COL22A1: variants seen among roughly 807,000 people sequenced by gnomAD.
The protein encoded by COL22A1 is collagen alpha-1(XXII) chain.
In COL22A1, 221 loss-of-function variants were observed where a neutral mutation model predicts 248.9. The ratio of observed to expected loss-of-function variants is 0.89; its 90% CI spans 0.80 to 0.99. COL22A1 has a LOEUF of 0.99. COL22A1 is among the 50% of genes least tolerant of loss of function. COL22A1 has a pLI of 0.00. For synonymous variants in COL22A1, 891 were observed against 793.4 expected (o/e 1.12, Z -2.07); for missense variants, 2,240 against 2,179.0 (o/e 1.03, Z -0.56).
chr8:138,608,748 A>G (rs955412078), intron 56 of COL22A1, among the ~76,000 whole-genome samples: 30 of 152,214 alleles, frequency 2.0e-4, no homozygotes, highest in African/African-American at 7.2e-4. Flanking sequence ...CACAGCTTCA[A>G]TTCCCCAGGC....
At chr8:138,760,151 GC>G in intron 18 of COL22A1, 91 bp downstream of exon 18, 2 of 1,073,640 alleles carry the variant, frequency 1.9e-6, no homozygotes, top group Non-Finnish European at 1.3e-6. Context: ...TGCCACCCAG[GC>G]CCCTTCCCTG....
At chr8:138,703,253 G>A (rs1029198722) in intron 31 of COL22A1, 53 bp downstream of exon 31, 44 of 1,499,570 alleles carry the variant, frequency 2.9e-5, no homozygotes, top group Middle Eastern at 1.7e-4. Context: ...GGGGGAGTAC[G>A]AATCCCAATA....
intron 63 of COL22A1, among the ~76,000 whole-genome samples, 162 bp from the exon 64 acceptor site, chr8:138,591,663 C>A (rs1817065274): frequency 6.6e-6 from 1 of 152,134 alleles, no homozygotes; most frequent in East Asian, 1.9e-4. Flanking sequence ...GACCCCAATT[C>A]CCACTCACAC....
chr8:138,629,355 T>C (rs1820520326), intron 50 of COL22A1, among the ~76,000 whole-genome samples: 2 of 152,118 alleles, frequency 1.3e-5, no homozygotes, highest in African/African-American at 4.8e-5. Context: ...GGTTTCATCA[T>C]GTTGCCTAGG....
intron 5 of COL22A1, among the ~76,000 whole-genome samples, chr8:138,830,023 T>C (rs1030721439): frequency 6.6e-6 from 1 of 152,220 alleles, no homozygotes; most frequent in Non-Finnish European, 1.5e-5. Context: ...CATATGTGTA[T>C]CAGTCATTTT....
At position 138,877,941 on chromosome 8, in the gene COL22A1, T is replaced by C; in HGVS notation, c.467A>G (p.Asp156Gly). The C allele has an allele frequency of 1.9e-6, 3 of 1,602,596 alleles. No individual in the cohort carries two copies. The highest frequency in any genetic ancestry group is 2.6e-6 in the Non-Finnish European group (3 of 1,174,360). The change falls in exon 3 of 65, where the codon GAC (aspartate) becomes GGC (glycine). Residue 156 changes from aspartate (D) to glycine (G), a missense_variant. By Grantham distance (94) the Asp-to-Gly change is moderately conservative. Coordinates refer to ENST00000303045, the MANE Select transcript of COL22A1 (RefSeq NM_152888.3). Reference sequence around the variant, plus strand: ...TGCCGCCGCGGCGTCCAGCACCAGGTCCTGGCTGCGGCCGTCGGTGAGCAG... The same window carrying C: ...TGCCGCCGCGGCGTCCAGCACCAGGCCCTGGCTGCGGCCGTCGGTGAGCAG... Reference protein sequence around the residue: ...AILLTDGRSQDLVLDAAAAAH... With the variant: ...AILLTDGRSQGLVLDAAAAAH...
At chr8:138,804,826 T>C (rs897368258) in intron 10 of COL22A1, among the ~76,000 whole-genome samples, 1 of 138,316 alleles carries the variant, frequency 7.2e-6, no homozygotes, top group African/African-American at 2.8e-5. Context: ...GTGTGTGATA[T>C]GGGGTGTGTG....
intron 41 of COL22A1, among the ~76,000 whole-genome samples, chr8:138,665,273 C>T (rs1162582879): frequency 1.3e-5 from 2 of 152,156 alleles, no homozygotes; most frequent in Admixed American, 6.5e-5. Flanking sequence ...AGACAGGAAG[C>T]GAGGCTGGAA....
chr8:138,728,096 A>T (rs1216246047), intron 23 of COL22A1, among the ~76,000 whole-genome samples: 2 of 152,076 alleles, frequency 1.3e-5, no homozygotes, highest in Admixed American at 1.3e-4. Flanking sequence ...GCAGGGGTGC[A>T]ATCATAGCTC....
rs755545543 is a variant in COL22A1 at position 138,685,264 on chromosome 8, C to A, written c.2911G>T (p.Asp971Tyr). ...GSPGPVGPRG[D>Y]PGAPGLPGPP... Reference sequence around the variant, plus strand: ...CCAGGGAGCCCAGGAGCACCAGGATCTCCCCTGGGACCAACTGGCCCTGGG... The same window carrying A: ...CCAGGGAGCCCAGGAGCACCAGGATATCCCCTGGGACCAACTGGCCCTGGG... The change falls in exon 38 of 65, where the codon GAT (aspartate) becomes TAT (tyrosine). Residue 971 changes from aspartate to tyrosine, a missense_variant. Physicochemically the swap from Asp to Tyr is radical, Grantham distance 160. Coordinates refer to ENST00000303045, the MANE Select transcript of COL22A1 (RefSeq NM_152888.3). The A allele has an allele frequency of 1.2e-6, 2 of 1,613,992 alleles. No individual in the cohort carries two copies. The highest frequency in any genetic ancestry group is 2.2e-5 in the South Asian group (2 of 91,054).
intron 55 of COL22A1, among the ~76,000 whole-genome samples, chr8:138,614,185 C>A (rs945572637): frequency 7.2e-5 from 11 of 152,198 alleles, no homozygotes; most frequent in Non-Finnish European, 1.6e-4. Flanking sequence ...ACAGGGGTTT[C>A]AGGTGGCTCC....
At chr8:138,590,264 T>C (rs893050001) in intron 64 of COL22A1, among the ~76,000 whole-genome samples, 3 of 152,190 alleles carry the variant, frequency 2.0e-5, no homozygotes, top group Non-Finnish European at 4.4e-5. Flanking sequence ...GTAAACTTTT[T>C]ACTTAAAAAG....
rs541843800 is a variant in COL22A1, at chr8:138,633,654, C to T, written c.3609+1356G>A. Among the ~76,000 whole-genome samples the T allele has an allele frequency of 3.9e-5, 6 of 152,234 alleles. No homozygotes were observed. In the East Asian group the frequency reaches 1.2e-3, roughly 29 times the overall value. ...TAAAATTAGTTACCTCTCAATTGCC[C>T]CTCTTTGCTTAACACTAACACCTCT... On this transcript the variant is annotated intron_variant, in intron 49 of 64. Coordinates refer to ENST00000303045, the MANE Select transcript of COL22A1 (RefSeq NM_152888.3).
intron 4 of COL22A1, among the ~76,000 whole-genome samples, chr8:138,843,431 G>T (rs1475036069): frequency 3.9e-5 from 6 of 152,176 alleles, no homozygotes; most frequent in African/African-American, 1.4e-4. Flanking sequence ...CTGCTGTTCT[G>T]CAGTGGCTTC....
intron 8 of COL22A1, among the ~76,000 whole-genome samples, chr8:138,812,695 A>G (rs913962423): frequency 1.3e-5 from 2 of 152,074 alleles, no homozygotes; most frequent in African/African-American, 4.8e-5. Flanking sequence ...CCCTAGAGCA[A>G]GGCTTCATCA....
intron 3 of COL22A1, among the ~76,000 whole-genome samples, chr8:138,859,278 T>G (rs903260409): frequency 9.2e-5 from 14 of 152,172 alleles, no homozygotes; most frequent in African/African-American, 3.4e-4. Flanking sequence ...AACAGGAGCA[T>G]GGAGCCCCCA....
At chr8:138,670,343 G>A (rs1824907875) in intron 41 of COL22A1, among the ~76,000 whole-genome samples, 1 of 152,158 alleles carries the variant, frequency 6.6e-6, no homozygotes, top group Admixed American at 6.5e-5. Context: ...GCAGCTCTGT[G>A]CACTGGGCAG....
chr8:138,783,395 G>C (rs1478557249), intron 12 of COL22A1, among the ~76,000 whole-genome samples: 1 of 152,110 alleles, frequency 6.6e-6, no homozygotes, highest in Admixed American at 6.5e-5. Flanking sequence ...GCCAGTCCAG[G>C]TTCCAAAACT....
chr8:138,848,718 T>C (rs1563840793), intron 3 of COL22A1, among the ~76,000 whole-genome samples: 1 of 152,164 alleles, frequency 6.6e-6, no homozygotes, highest in African/African-American at 2.4e-5. Context: ...TCCTACAAGG[T>C]AGATTTTCTT....
Sources: allele counts gnomAD v4.1 joint callset (sites outside exome capture counted in the v4.1 genomes callset), GRCh38; gene constraint gnomAD v4.1.1; transcripts MANE v1.5; gene names NCBI Gene and HGNC (gene_info 2026-07-23, HGNC 2026-07-21).